The following NRXN1 variants were observed in gnomAD, a reference collection of about 807,000 sequenced individuals.
The protein encoded by NRXN1 is neurexin-1.
In NRXN1, 39 loss-of-function variants were observed where a neutral mutation model predicts 150.9. The ratio of observed to expected loss-of-function variants is 0.26; its 90% CI spans 0.20 to 0.34. The LOEUF is 0.34. NRXN1 is among the 10% of genes least tolerant of loss of function. NRXN1 has a pLI of 1.00. For synonymous variants in NRXN1, 924 were observed against 757.0 expected, an observed-to-expected ratio of 1.22 and a Z score of -3.62; for missense variants, 1,815 against 1,949.9, an observed-to-expected ratio of 0.93 and a Z score of 1.30.
At chr2:49,940,918 A>G (rs768365209) in intron 22 of NRXN1, among the ~76,000 whole-genome samples, 1 of 152,210 alleles carries the variant, frequency 6.6e-6, no homozygotes, top group Non-Finnish European at 1.5e-5. Context: ...ACAGGAATTG[A>G]TGAATTGAAA....
chr2:49,993,714 T>G (rs1260780487), intron 21 of NRXN1, among the ~76,000 whole-genome samples: 1 of 152,140 alleles, frequency 6.6e-6, no homozygotes, highest in Non-Finnish European at 1.5e-5. Context: ...CCCTAAAAAT[T>G]GTCTTTTGAG....
chr2:50,064,433 C>CTT (rs70946885), intron 19 of NRXN1, among the ~76,000 whole-genome samples: 38 of 148,214 alleles, frequency 2.6e-4, no homozygotes, highest in East Asian at 4.0e-4. Context: ...GTGGGATCTT[C>CTT]TTTTTTTTTT....
At chr2:50,366,179 G>T (rs2079570599) in intron 17 of NRXN1, among the ~76,000 whole-genome samples, 1 of 144,666 alleles carries the variant, frequency 6.9e-6, no homozygotes, top group Non-Finnish European at 1.5e-5. Context: ...TACATCCAGA[G>T]TTGGATTTGC....
intron 5 of NRXN1, among the ~76,000 whole-genome samples, chr2:50,731,193 T>G (rs1698056914): frequency 6.6e-6 from 1 of 152,170 alleles, no homozygotes; most frequent in African/African-American, 2.4e-5. Context: ...ATACATATTA[T>G]TCTTCTTCTA....
chr2:50,660,023 T>A (rs943047304), intron 5 of NRXN1, among the ~76,000 whole-genome samples: 13 of 152,004 alleles, frequency 8.6e-5, no homozygotes, highest in African/African-American at 3.1e-4. Flanking sequence ...TATCCCAACA[T>A]CTAGAACAGT....
intron 5 of NRXN1, among the ~76,000 whole-genome samples, chr2:50,782,557 T>C (rs919672259): frequency 6.6e-6 from 1 of 152,172 alleles, no homozygotes; most frequent in Non-Finnish European, 1.5e-5. Flanking sequence ...TTTATTTCTA[T>C]ACTTTTGTAT....
At chr2:50,437,269 C>A (rs542853725) in intron 17 of NRXN1, among the ~76,000 whole-genome samples, 5 of 152,142 alleles carry the variant, frequency 3.3e-5, no homozygotes, top group Non-Finnish European at 7.4e-5. Context: ...CCACAAAATC[C>A]CAAGTAAAAC....
At chr2:50,263,985 A>G (rs1322145408) in intron 17 of NRXN1, among the ~76,000 whole-genome samples, 1 of 152,102 alleles carries the variant, frequency 6.6e-6, no homozygotes, top group Non-Finnish European at 1.5e-5. Context: ...CAAGTTCAGT[A>G]TCATAAGGGT....
chr2:50,333,188 C>T (rs1575119834), intron 17 of NRXN1, among the ~76,000 whole-genome samples: 1 of 152,138 alleles, frequency 6.6e-6, no homozygotes, highest in South Asian at 2.1e-4. Flanking sequence ...TGCTCCCCTA[C>T]GTGGGTGGCA....
intron 8 of NRXN1, among the ~76,000 whole-genome samples, chr2:50,566,614 T>C (rs1446666208): frequency 6.6e-6 from 1 of 152,070 alleles, no homozygotes; most frequent in African/African-American, 2.4e-5. Context: ...CTTCTCTGTG[T>C]CCCATGCTTG....
chr2:50,144,127 T>C (rs1178157099), intron 18 of NRXN1, among the ~76,000 whole-genome samples: 1 of 151,882 alleles, frequency 6.6e-6, no homozygotes, highest in East Asian at 1.9e-4. Flanking sequence ...TATAGCCACA[T>C]GGTTTCTGAA....
intron 2 of NRXN1, among the ~76,000 whole-genome samples, chr2:50,945,398 A>C (rs1008225519): frequency 8.5e-5 from 13 of 152,242 alleles, no homozygotes; most frequent in African/African-American, 2.9e-4. Context: ...CAAGAGGTGG[A>C]GGATGCAATA....
chr2:50,367,270 C>A (rs2079651412), intron 17 of NRXN1, among the ~76,000 whole-genome samples: 1 of 151,758 alleles, frequency 6.6e-6, no homozygotes, highest in Admixed American at 6.6e-5. Context: ...CTTAAACATG[C>A]CATAAAAAAG....
At chr2:50,109,912 T>C (rs886532633) in intron 18 of NRXN1, among the ~76,000 whole-genome samples, 2 of 152,150 alleles carry the variant, frequency 1.3e-5, no homozygotes, top group Non-Finnish European at 2.9e-5. Flanking sequence ...ATAAAGACGG[T>C]CTAGAACACA....
chr2:50,233,665 G>A (rs1315961505), intron 18 of NRXN1, among the ~76,000 whole-genome samples: 1 of 152,000 alleles, frequency 6.6e-6, no homozygotes, highest in Non-Finnish European at 1.5e-5. Context: ...AATTTTCCTT[G>A]AAGTTTAATG....
intron 5 of NRXN1, among the ~76,000 whole-genome samples, chr2:50,832,984 C>T (rs1257997182): frequency 6.6e-6 from 1 of 152,100 alleles, no homozygotes; most frequent in Non-Finnish European, 1.5e-5. Context: ...AGAAAACCTA[C>T]AAATCAATTT....
At chr2:50,846,610 C>T (rs1559345108) in intron 5 of NRXN1, among the ~76,000 whole-genome samples, 1 of 152,036 alleles carries the variant, frequency 6.6e-6, no homozygotes, top group African/African-American at 2.4e-5. Context: ...CATAGACCAA[C>T]AAAAACAGTT....
chr2:50,642,847 T>C (rs1391569356), intron 5 of NRXN1, among the ~76,000 whole-genome samples: 1 of 151,938 alleles, frequency 6.6e-6, no homozygotes, highest in African/African-American at 2.4e-5. Flanking sequence ...ACTTATCAAA[T>C]AGACCAATAT....
intron 8 of NRXN1, among the ~76,000 whole-genome samples, chr2:50,602,427 C>G (rs1313799748): frequency 6.6e-6 from 1 of 151,576 alleles, no homozygotes; most frequent in Non-Finnish European, 1.5e-5. Flanking sequence ...CATAGAGATC[C>G]TCTATATTTA....
Sources: allele counts gnomAD v4.1 joint callset (sites outside exome capture counted in the v4.1 genomes callset), GRCh38; gene constraint gnomAD v4.1.1; transcripts MANE v1.5; gene names NCBI Gene and HGNC (gene_info 2026-07-23, HGNC 2026-07-21).